NKAIN4: variants seen among roughly 807,000 people sequenced by gnomAD.
NKAIN4 encodes the protein sodium/potassium-transporting ATPase subunit beta-1-interacting protein 4.
In NKAIN4, 28 loss-of-function variants were observed where a neutral mutation model predicts 28.8. That is an observed-to-expected ratio of 0.97 (90% CI 0.72 to 1.33). NKAIN4 has a LOEUF of 1.33. Ranked by LOEUF, NKAIN4 falls within the 40% of genes most tolerant of loss-of-function variation. The pLI is 0.00. For synonymous variants in NKAIN4, 122 were observed against 115.6 expected (o/e 1.06, Z -0.36); for missense variants, 289 against 277.2 (o/e 1.04, Z -0.30).
intron 4 of NKAIN4, among the ~76,000 whole-genome samples, chr20:63,244,765 C>T (rs938552756): frequency 1.3e-5 from 2 of 152,194 alleles, no homozygotes; most frequent in African/African-American, 2.4e-5. Flanking sequence ...AGGGCTCTGG[C>T]AAAGGGGGGG....
chr20:63,242,089 A>T (rs2066763557), intron 6 of NKAIN4, among the ~76,000 whole-genome samples: 1 of 152,130 alleles, frequency 6.6e-6, no homozygotes, highest in African/African-American at 2.4e-5. Context: ...CTGGCACCCC[A>T]TGCCAAAGTC....
In NKAIN4 at chr20:63,245,509, G is replaced by A. The variant is rs151061555; in HGVS notation, c.472-1425C>T. On this transcript the variant is annotated intron_variant, in intron 4 of 6. Transcript: ENST00000370316. This position sits in a 1 kb window ranked among gnomAD's most constrained non-coding sequence, Gnocchi z 4.7. ...CATGCTCCCCGCCCTGCACACCACC[G>A]CCTCCTGCCCATCCTCCTGGCTCCA... Among the ~76,000 whole-genome samples the A allele has an allele frequency of 3.7e-4, 56 of 151,806 alleles. No homozygotes were observed. In the East Asian group the frequency reaches 9.1e-3, roughly 25 times the overall value.
At chr20:63,253,416 A>G (rs1487031232) in intron 1 of NKAIN4, 2 of 985,292 alleles carry the variant, frequency 2.0e-6, no homozygotes, top group East Asian at 1.1e-4. Context: ...AGCACAGGAC[A>G]CCCAAGCTGC....
intron 3 of NKAIN4, 101 bp from the exon 4 acceptor site, chr20:63,247,876 G>T: frequency 1.5e-6 from 2 of 1,376,934 alleles, no homozygotes; most frequent in Admixed American, 3.4e-5. Context: ...GCAAGGGGAG[G>T]TCCTGTCCTC....
rs112267433 is a variant in NKAIN4 at position 63,242,641 on chromosome 20, C to T, written c.533-18G>A. ...GAAATCAACTGAAAGAAATCAAGAC[C>T]CAAATAAAACAAAACCTACACAATG... On this transcript the variant is annotated intron_variant, in intron 5 of 6. Coordinates refer to ENST00000370316, the MANE Select transcript of NKAIN4 (RefSeq NM_152864.4). The T allele has an allele frequency of 7.1e-5, 113 of 1,580,498 alleles. No homozygotes were observed. In the African/African-American group the frequency reaches 1.4e-3, roughly 20 times the overall value.
chr20:63,254,472 C>T (rs780897949), upstream of NKAIN4: 3 of 1,301,386 alleles, frequency 2.3e-6, no homozygotes, highest in Admixed American at 4.1e-5. Flanking sequence ...ATACAGGAGG[C>T]CCCCGGGTGC....
At position 63,245,398 on chromosome 20, in the gene NKAIN4, C is replaced by T. The variant is rs537189658; in HGVS notation, c.472-1314G>A. 3.5e-4 allele frequency among the ~76,000 whole-genome samples: 53 copies of T among 152,220 alleles called. No individual in the cohort carries two copies. The highest frequency in any genetic ancestry group is 5.6e-4 in the Non-Finnish European group (38 of 67,998). ...CTGGCCGTGGCGCCGAACAGGCAGC[C>T]GAGCTTGGGGAGCCATTGGAAGATG... On this transcript the variant is annotated intron_variant, in intron 4 of 6. Coordinates refer to ENST00000370316, the MANE Select transcript of NKAIN4 (RefSeq NM_152864.4). This position sits in a 1 kb window ranked among gnomAD's most constrained non-coding sequence, Gnocchi z 4.7.
intron 4 of NKAIN4, chr20:63,247,285 G>C: frequency 7.4e-7 from 1 of 1,343,714 alleles, no homozygotes; most frequent in Non-Finnish European, 9.6e-7. Context: ...GGGGTGTCTC[G>C]GCCTGATCCG....
At position 63,242,593 on chromosome 20, in the gene NKAIN4, G is replaced by A. The variant is rs80100531; in HGVS notation, c.563C>T (p.Pro188Leu). ...TGGCTTTTCATTGACATGGTAGAGAGGAAATGGATCAAATCCACCAATGAA... is the reference window on the plus strand; with the variant it reads ...TGGCTTTTCATTGACATGGTAGAGAAGAAATGGATCAAATCCACCAATGAA... ...FDFIGGFDPF[P>L]LYHVNEKPSS... is the part of the protein sequence containing the mutation. Residue 188 changes from proline (P) to leucine (L), a missense_variant, in exon 6 of 7, where the codon CCT (proline) becomes CTT (leucine). Coordinates refer to ENST00000370316, the MANE Select transcript of NKAIN4 (RefSeq NM_152864.4). 507 of 1,613,380 alleles carry A rather than the reference G, an allele frequency of 3.1e-4. 1 individual carries two copies. In the African/African-American group the frequency reaches 3.2e-3, roughly 10 times the overall value.
chr20:63,247,857 C>A (rs76464733), intron 3 of NKAIN4, 82 bp from the exon 4 acceptor site: 1 of 1,400,164 alleles, frequency 7.1e-7, no homozygotes, highest in Non-Finnish European at 9.3e-7. Context: ...GGGACGCCAC[C>A]ACACCGAGGC....
intron 5 of NKAIN4, among the ~76,000 whole-genome samples, 198 bp from the exon 6 acceptor site, chr20:63,242,821 C>A (rs535232776): frequency 2.1e-5 from 1 of 47,172 alleles, no homozygotes; most frequent in African/African-American, 9.0e-5. Flanking sequence ...TCGGCCTGTG[C>A]GGGGACGGCA....
chr20:63,247,635 A>T lies in NKAIN4; in HGVS notation c.414T>A (p.Cys138Ter). The T allele has an allele frequency of 6.5e-7, 1 of 1,548,004 alleles. No individual in the cohort carries two copies. Among genetic ancestry groups the T allele is most frequent in the South Asian group, 1.2e-5 (1 of 83,400 alleles). Reference protein sequence around the residue: ...HGQALVSGAGCALEPSYVEAL... With the variant: ...HGQALVSGAG ...CCTCCACATAGCTGGGCTCCAGGGC[A>T]CAGCCAGCACCTGACACCAGGGCCT... The change falls in exon 4 of 7, where the codon TGT (cysteine) becomes TGA (stop). Residue 138 changes from cysteine to a stop codon, truncating the protein, a stop_gained. Transcript: ENST00000370316. LOFTEE classifies it high-confidence loss of function.
chr20:63,241,506 C>A lies in NKAIN4; in HGVS notation c.618G>T (p.Leu206Phe). 1 of 1,550,320 alleles carries A rather than the reference C, an allele frequency of 6.5e-7. No homozygotes were observed. Among genetic ancestry groups the A allele is most frequent in the Non-Finnish European group, 8.7e-7 (1 of 1,146,878 alleles). Residue 206 changes from leucine (L) to phenylalanine (F), a missense_variant and splice_region_variant, in exon 7 of 7, where the codon TTG (leucine) becomes TTT (phenylalanine). Physicochemically the swap from Leu to Phe is conservative, Grantham distance 22. Transcript: ENST00000370316. The part of the protein sequence containing the change: ...PSSLLSKQVY[L>F]PA ...TCAGCTGTTTCCTCACTTACGCAGG[C>A]CTGTGGGGACAAGGTCAGAGAGCAC...
rs373275621 is a variant in NKAIN4, at chr20:63,241,389, G to T, written c.*108C>A. ...CCAGGGCAGGTGCTGCCGGCCGCCT[G>T]GGGGGTGCTGGGTGGGGGCGCGTCC... On this transcript the variant is annotated 3_prime_UTR_variant, in exon 7 of 7. Coordinates refer to ENST00000370316, the MANE Select transcript of NKAIN4 (RefSeq NM_152864.4). The T allele has an allele frequency of 2.1e-4, 257 of 1,207,974 alleles. 1 individual carries two copies. The East Asian group carries it at 5.4e-3, about 25-fold the overall frequency. 74.8% of individuals were successfully genotyped at this position (1,207,974 alleles called of 1,614,324 possible). A position where few individuals can be genotyped will look rare whatever the true frequency, so the allele number is the denominator to read the frequency against.
At chr20:63,243,363 G>A (rs1464983732) in intron 5 of NKAIN4, among the ~76,000 whole-genome samples, 1 of 151,902 alleles carries the variant, frequency 6.6e-6, no homozygotes, top group African/African-American at 2.4e-5. Context: ...TGGAGTCCTG[G>A]GGACAGATGG....
rs1190666725 is a variant in NKAIN4 at position 63,241,453 on chromosome 20, G to A, written c.*44C>T. On this transcript the variant is annotated 3_prime_UTR_variant, in exon 7 of 7. Coordinates refer to ENST00000370316, the MANE Select transcript of NKAIN4 (RefSeq NM_152864.4). ...CTCCTGTCATTGTCACTGGTCGGTC[G>A]CTGAGGCTGGAGGCCACAGGAGCAG... 8 of 1,549,586 alleles carry A rather than the reference G, an allele frequency of 5.2e-6. No homozygotes were observed. The highest frequency in any genetic ancestry group is 1.7e-4 in the Middle Eastern group (1 of 5,986).
Position 63,247,705 on chromosome 20 carries a change from A to G in NKAIN4, c.344T>C (p.Leu115Pro), listed in dbSNP as rs2066886068. The G allele has an allele frequency of 4.6e-6, 7 of 1,527,832 alleles. No individual in the cohort carries two copies. The highest frequency in any genetic ancestry group is 1.7e-4 in the Middle Eastern group (1 of 5,818). The allele number at this position is 1,527,832 out of a possible 1,614,324, so 94.6% of individuals were successfully genotyped here. Reference sequence around the variant, plus strand: ...GCCCACTGCTGGCACCTCCTCATGCAGACAGCCTGGCCAGCGCTCACGCCA... The same window carrying G: ...GCCCACTGCTGGCACCTCCTCATGCGGACAGCCTGGCCAGCGCTCACGCCA... The part of the protein sequence containing the change: ...SWWRERWPGC[L>P]HEEVPAVGLG... The change falls in exon 4 of 7, where the codon CTG (leucine) becomes CCG (proline). Residue 115 changes from leucine (L) to proline (P), a missense_variant. Transcript: ENST00000370316.
At chr20:63,249,004 T>A in intron 2 of NKAIN4, 109 bp from the exon 3 acceptor site, 1 of 751,464 alleles carries the variant, frequency 1.3e-6, no homozygotes, top group Non-Finnish European at 2.3e-6. Flanking sequence ...AGGGGCGGCC[T>A]CTGCTCCTGA....
At chr20:63,247,049 T>C in intron 4 of NKAIN4, 1 of 1,001,662 alleles carries the variant, frequency 1.0e-6, no homozygotes, top group Non-Finnish European at 1.2e-6. Context: ...GGCCACAGAA[T>C]CCCTGTCCGG....
Sources: allele counts gnomAD v4.1 joint callset (sites outside exome capture counted in the v4.1 genomes callset), GRCh38; gene constraint gnomAD v4.1.1; non-coding constraint Gnocchi (gnomAD v3.1); transcripts MANE v1.5; gene names NCBI Gene and HGNC (gene_info 2026-07-23, HGNC 2026-07-21).